MBD5: variants seen among roughly 807,000 people sequenced by gnomAD.
MBD5 encodes methyl-CpG-binding domain protein 5.
A neutral mutation model predicts 117.3 loss-of-function variants in MBD5; 13 were observed. The ratio of observed to expected loss-of-function variants is 0.11; its 90% confidence interval spans 0.07 to 0.18. The LOEUF (loss-of-function observed/expected upper bound fraction) is 0.18. Among genes scored for constraint, MBD5 ranks in the 10% least tolerant of loss-of-function variants. The pLI is 1.00. For synonymous variants in MBD5, 727 were observed against 766.4 expected (o/e 0.95, Z 0.85); for missense variants, 1,879 against 2,093.8 (o/e 0.90, Z 2.00).
At chr2:148,453,432 T>G (rs1321002751) in intron 4 of MBD5, among the ~76,000 whole-genome samples, 1 of 151,886 alleles carries the variant, frequency 6.6e-6, no homozygotes, top group Non-Finnish European at 1.5e-5. Context: ...CACACACACA[T>G]GCACACAACT....
At chr2:148,379,872 A>G (rs142258140) in intron 4 of MBD5, among the ~76,000 whole-genome samples, 1 of 152,302 alleles carries the variant, frequency 6.6e-6, no homozygotes, top group East Asian at 1.9e-4. Context: ...ACAGTTTCAA[A>G]CAAATAAATA....
At chr2:148,184,083 A>C (rs1047553981) in intron 2 of MBD5, among the ~76,000 whole-genome samples, 6 of 150,018 alleles carry the variant, frequency 4.0e-5, no homozygotes, top group Non-Finnish European at 7.4e-5. Context: ...GCAGTGACAC[A>C]ATCTCTGCTC....
chr2:148,196,699 T>C (rs2105930949), intron 2 of MBD5, among the ~76,000 whole-genome samples: 1 of 152,274 alleles, frequency 6.6e-6, no homozygotes, highest in South Asian at 2.1e-4. Flanking sequence ...AAATGGGAAA[T>C]CCGTGAGCCA....
chr2:148,234,267 G>C (rs1157307007), intron 3 of MBD5, among the ~76,000 whole-genome samples: 2 of 152,052 alleles, frequency 1.3e-5, no homozygotes, highest in African/African-American at 4.8e-5. Context: ...TATATGCTTA[G>C]AATTTTTTAT....
At chr2:148,077,648 C>T (rs941348704) in intron 1 of MBD5, among the ~76,000 whole-genome samples, 1 of 151,954 alleles carries the variant, frequency 6.6e-6, no homozygotes, top group African/African-American at 2.4e-5. Context: ...TTGATAATAC[C>T]TAAGGACGTG....
At chr2:148,090,634 AAC>A (rs1463938900) in intron 1 of MBD5, among the ~76,000 whole-genome samples, 1 of 152,126 alleles carries the variant, frequency 6.6e-6, no homozygotes, top group Non-Finnish European at 1.5e-5. Context: ...CATTTGACAA[AAC>A]ACAGCATTTT....
chr2:148,141,371 C>T (rs1019293737), intron 1 of MBD5, among the ~76,000 whole-genome samples: 1 of 152,164 alleles, frequency 6.6e-6, no homozygotes, highest in Non-Finnish European at 1.5e-5. Flanking sequence ...ATAAACTCCA[C>T]TAGTTGACAG....
chr2:148,220,206 G>C (rs528926720), intron 2 of MBD5, among the ~76,000 whole-genome samples: 64 of 152,150 alleles, frequency 4.2e-4, no homozygotes, highest in African/African-American at 1.5e-3. Flanking sequence ...CTTAAAAGAA[G>C]AGATAATTTT....
chr2:148,155,656 T>A (rs1000980902), intron 1 of MBD5, among the ~76,000 whole-genome samples: 3 of 152,218 alleles, frequency 2.0e-5, no homozygotes, highest in Non-Finnish European at 4.4e-5. Flanking sequence ...CAGGCTCACA[T>A]GCCGTATTCA....
intron 1 of MBD5, among the ~76,000 whole-genome samples, chr2:148,144,865 T>A (rs937955892): frequency 6.6e-6 from 1 of 152,218 alleles, no homozygotes; most frequent in Non-Finnish European, 1.5e-5. Flanking sequence ...GTAGTATAGT[T>A]TGAAGCCAGG....
intron 1 of MBD5, among the ~76,000 whole-genome samples, chr2:148,063,880 T>C (rs1202760354): frequency 6.6e-6 from 1 of 152,154 alleles, no homozygotes; most frequent in Non-Finnish European, 1.5e-5. Flanking sequence ...TCTGTCTTTT[T>C]AGTCCAGTAA....
intron 1 of MBD5, among the ~76,000 whole-genome samples, chr2:148,175,974 AT>A (rs1213583646): frequency 2.6e-5 from 4 of 152,306 alleles, no homozygotes; most frequent in African/African-American, 9.6e-5. Flanking sequence ...AATGCCTGTT[AT>A]CTGGAAACTT....
At chr2:148,225,860 C>T (rs893447352) in intron 2 of MBD5, among the ~76,000 whole-genome samples, 1 of 152,092 alleles carries the variant, frequency 6.6e-6, no homozygotes, top group African/African-American at 2.4e-5. Flanking sequence ...TTTCGTTTTT[C>T]TTGCTGCTTA....
rs558876535 is a variant in MBD5, at chr2:148,489,824, C to T, written c.4192C>T (p.Arg1398Trp). ...DGRLRNSRGA[R>W]LPKNLDHGKN... ...TAGGCTGAGGAATTCAAGAGGGGCT[C>T]GGCTGCCCAAGAATCTAGACCATGG... The change falls in exon 11 of 14, where the codon CGG becomes TGG. Residue 1398 changes from arginine (R) to tryptophan (W), a missense_variant. Arg to Trp is a moderately radical substitution (Grantham distance 101, BLOSUM62 -3). This residue lies in a region of MBD5 where 1,666 missense variants were observed against 1,792.2 expected (regional missense o/e 0.93). Coordinates refer to ENST00000642680, the MANE Select transcript of MBD5 (RefSeq NM_001378120.1). The T allele has an allele frequency of 7.4e-6, 12 of 1,613,930 alleles. No homozygotes were observed. The highest frequency in any genetic ancestry group is 2.7e-5 in the African/African-American group (2 of 74,972).
intron 3 of MBD5, among the ~76,000 whole-genome samples, chr2:148,289,578 T>C (rs1701450195): frequency 6.6e-6 from 1 of 152,168 alleles, no homozygotes; most frequent in Non-Finnish European, 1.5e-5. Flanking sequence ...ACTCAGTTTC[T>C]AAAAATCTAT....
chr2:148,402,249 A>C (rs951102078), intron 4 of MBD5, among the ~76,000 whole-genome samples: 1 of 152,060 alleles, frequency 6.6e-6, no homozygotes, highest in Non-Finnish European at 1.5e-5. Flanking sequence ...TTAATGGATC[A>C]TGCCTGCTAT....
chr2:148,294,834 T>G (rs1701611669), intron 3 of MBD5, among the ~76,000 whole-genome samples: 1 of 152,128 alleles, frequency 6.6e-6, no homozygotes, highest in African/African-American at 2.4e-5. Context: ...GTAACAAGTT[T>G]TGGGGTTTTG....
At chr2:148,477,961 A>G (rs1681024229) in intron 8 of MBD5, among the ~76,000 whole-genome samples, 2 of 152,306 alleles carry the variant, frequency 1.3e-5, no homozygotes, top group East Asian at 1.9e-4. Flanking sequence ...TTTTAAAAAT[A>G]CTTCATTGGT....
intron 4 of MBD5, among the ~76,000 whole-genome samples, chr2:148,448,236 T>G (rs1367129401): frequency 6.6e-6 from 1 of 152,180 alleles, no homozygotes; most frequent in African/African-American, 2.4e-5. Flanking sequence ...TTATATGCTC[T>G]TTGGGCTCCC....
Sources: allele counts gnomAD v4.1 joint callset (sites outside exome capture counted in the v4.1 genomes callset), GRCh38; gene constraint gnomAD v4.1.1; regional missense constraint gnomAD v4.1.1; transcripts MANE v1.5; gene names NCBI Gene and HGNC (gene_info 2026-07-23, HGNC 2026-07-21).